ADAMTSL1: variants seen among roughly 807,000 people sequenced by gnomAD.
The protein encoded by ADAMTSL1 is ADAMTS like 1.
A neutral mutation model predicts 201.8 loss-of-function variants in ADAMTSL1; 126 were observed. That is an observed-to-expected ratio of 0.62 (90% confidence interval 0.54 to 0.72). ADAMTSL1 has a LOEUF of 0.72. Among genes scored for constraint, ADAMTSL1 ranks in the 30% least tolerant of loss-of-function variants. ADAMTSL1 has a pLI of 0.00. For synonymous variants in ADAMTSL1, 1,121 were observed against 903.4 expected (o/e 1.24, Z -4.32); for missense variants, 2,679 against 2,277.8 (o/e 1.18, Z -3.59).
chr9:18,179,045 G>C (rs1828321396), intron 2 of ADAMTSL1, among the ~76,000 whole-genome samples: 1 of 152,264 alleles, frequency 6.6e-6, no homozygotes, highest in Non-Finnish European at 1.5e-5. Flanking sequence ...TTGACGAGCT[G>C]AGAGAAGAAG....
At chr9:18,564,450 C>G (rs1395581250) in intron 3 of ADAMTSL1, among the ~76,000 whole-genome samples, 1 of 152,164 alleles carries the variant, frequency 6.6e-6, no homozygotes, top group Non-Finnish European at 1.5e-5. Context: ...AGAGCTGTTC[C>G]TATTCTGCCA....
At chr9:18,173,568 G>A (rs1357909510) in intron 2 of ADAMTSL1, among the ~76,000 whole-genome samples, 1 of 151,966 alleles carries the variant, frequency 6.6e-6, no homozygotes, top group Non-Finnish European at 1.5e-5. Context: ...TTTTATTTAT[G>A]AGATGTCCTG....
chr9:18,689,620 G>A (rs138844560), intron 13 of ADAMTSL1, among the ~76,000 whole-genome samples: 1 of 152,320 alleles, frequency 6.6e-6, no homozygotes, highest in East Asian at 1.9e-4. Context: ...GAGAAAGTGA[G>A]GACCAGTGCG....
rs62549395 is a variant in ADAMTSL1 at position 18,652,359 on chromosome 9, C to G, written c.835-5280C>G. Among the ~76,000 whole-genome samples the G allele has an allele frequency of 1.3e-3, 154 of 116,974 alleles. 1 individual carries two copies. The highest frequency in any genetic ancestry group is 8.8e-3 in the Middle Eastern group (2 of 226). 76.7% of individuals were successfully genotyped at this position (116,974 alleles called of 152,430 possible). A position where few individuals can be genotyped will look rare whatever the true frequency, so the allele number is the denominator to read the frequency against. On this transcript the variant is annotated intron_variant, in intron 7 of 28. Coordinates refer to ENST00000380548, the MANE Select transcript of ADAMTSL1 (RefSeq NM_001040272.6). ...CAGCTTGGGTGACAAGAACAAAACT[C>G]CATCTCAAAAAAAAAAAAAAAAAAG... is the stretch of plus-strand genomic sequence containing the variant.
intron 1 of ADAMTSL1, among the ~76,000 whole-genome samples, chr9:18,126,554 C>T (rs1014534013): frequency 3.3e-5 from 5 of 152,184 alleles, no homozygotes; most frequent in Admixed American, 2.6e-4. Flanking sequence ...GTGTCCACCA[C>T]TTGTAGTAGG....
intron 5 of ADAMTSL1, among the ~76,000 whole-genome samples, chr9:18,628,379 C>T (rs946215535): frequency 2.6e-5 from 4 of 152,102 alleles, no homozygotes; most frequent in Non-Finnish European, 4.4e-5. Context: ...TAAACCTTGT[C>T]AAAAATCTAT....
At chr9:18,125,165 G>T (rs1435196004) in intron 1 of ADAMTSL1, among the ~76,000 whole-genome samples, 1 of 152,158 alleles carries the variant, frequency 6.6e-6, no homozygotes, top group African/African-American at 2.4e-5. Context: ...GGCTGGGGAG[G>T]CCTCACAATC....
chr9:18,093,126 C>T (rs765336605), intron 1 of ADAMTSL1, among the ~76,000 whole-genome samples: 8 of 151,898 alleles, frequency 5.3e-5, no homozygotes, highest in Non-Finnish European at 8.8e-5. Context: ...CCGACAAGTA[C>T]AGAAAATAAG....
intron 2 of ADAMTSL1, among the ~76,000 whole-genome samples, chr9:18,396,882 A>G (rs1244658809): frequency 6.6e-6 from 1 of 152,218 alleles, no homozygotes; most frequent in African/African-American, 2.4e-5. Flanking sequence ...TTTAAAAACA[A>G]AAGCAAGAAA....
intron 15 of ADAMTSL1, chr9:18,722,888 G>T: frequency 1.4e-6 from 1 of 692,638 alleles, no homozygotes. Flanking sequence ...GAGTAACCTC[G>T]TTTTCTATCC....
At chr9:18,330,017 A>C (rs1157472967) in intron 2 of ADAMTSL1, among the ~76,000 whole-genome samples, 1 of 152,236 alleles carries the variant, frequency 6.6e-6, no homozygotes, top group East Asian at 1.9e-4. Context: ...TCTCATCTGC[A>C]TAAGGGGGTT....
At position 17,933,934 on chromosome 9, in the gene ADAMTSL1, T is replaced by C. The variant is rs990974229; in HGVS notation, c.87+27012T>C. Among the ~76,000 whole-genome samples the C allele has an allele frequency of 3.9e-5, 6 of 152,184 alleles. No homozygotes were observed. The South Asian group carries it at 1.2e-3, about 32-fold the overall frequency. On this transcript the variant is annotated intron_variant, in intron 1 of 29. Transcript: ENST00000680146. ...ACCTCAAAGATACTTGTTTCTGTTC[T>C]ATTTTTGGTGGGCTGTTTGGTTCAA...
At chr9:18,655,410 A>C (rs1828563010) in intron 7 of ADAMTSL1, among the ~76,000 whole-genome samples, 1 of 152,190 alleles carries the variant, frequency 6.6e-6, no homozygotes, top group South Asian at 2.1e-4. Context: ...GCTTGGTTCA[A>C]ATACTCTTTT....
intron 2 of ADAMTSL1, among the ~76,000 whole-genome samples, chr9:18,345,035 G>A (rs1835639946): frequency 6.6e-6 from 1 of 152,108 alleles, no homozygotes. Context: ...AGGTGACTCT[G>A]ACCTCCTTCT....
intron 1 of ADAMTSL1, among the ~76,000 whole-genome samples, chr9:18,155,496 C>T (rs910871536): frequency 4.6e-5 from 7 of 151,994 alleles, no homozygotes; most frequent in South Asian, 2.1e-4. Flanking sequence ...CATGTGGTCC[C>T]GGACAGCTTT....
At chr9:18,207,519 T>C (rs768314804) in intron 2 of ADAMTSL1, among the ~76,000 whole-genome samples, 1 of 152,210 alleles carries the variant, frequency 6.6e-6, no homozygotes, top group Non-Finnish European at 1.5e-5. Context: ...ATAACTAATA[T>C]GTTTAAATAT....
At chr9:18,405,745 A>C (rs541555944) in intron 2 of ADAMTSL1, among the ~76,000 whole-genome samples, 1 of 152,162 alleles carries the variant, frequency 6.6e-6, no homozygotes, top group Non-Finnish European at 1.5e-5. Flanking sequence ...ATAATATGTT[A>C]TGTTTAGATA....
intron 2 of ADAMTSL1, among the ~76,000 whole-genome samples, chr9:18,307,106 C>G (rs555967347): frequency 6.6e-6 from 1 of 151,952 alleles, no homozygotes. Flanking sequence ...GCTTCATAAG[C>G]GAAGGGGAAA....
chr9:18,693,360 G>T (rs552096559), intron 13 of ADAMTSL1, among the ~76,000 whole-genome samples: 2 of 152,066 alleles, frequency 1.3e-5, no homozygotes, highest in Non-Finnish European at 2.9e-5. Flanking sequence ...GATGAAATTC[G>T]GCCGGCATAT....
Sources: allele counts gnomAD v4.1 joint callset (sites outside exome capture counted in the v4.1 genomes callset), GRCh38; gene constraint gnomAD v4.1.1; transcripts MANE v1.5; gene names NCBI Gene and HGNC (gene_info 2026-07-23, HGNC 2026-07-21).